SGCZ: variants seen among roughly 807,000 people sequenced by gnomAD.
SGCZ encodes the protein zeta-sarcoglycan.
In SGCZ, 40 loss-of-function variants were observed where a neutral mutation model predicts 41.3. The observed-to-expected ratio is 0.97, with a 90% CI of 0.75 to 1.26. The LOEUF (loss-of-function observed/expected upper bound fraction) is 1.26. Ranked by LOEUF, SGCZ falls within the 50% of genes most tolerant of loss-of-function variation. The pLI, the probability that SGCZ is intolerant of heterozygous loss-of-function variation, is 0.00. For synonymous variants in SGCZ, 206 were observed against 137.5 expected, an observed-to-expected ratio of 1.50 and a Z score of -3.49; for missense variants, 552 against 369.8, an observed-to-expected ratio of 1.49 and a Z score of -4.04.
intron 1 of SGCZ, among the ~76,000 whole-genome samples, chr8:14,744,182 G>C (rs1263097254): frequency 6.6e-6 from 1 of 152,128 alleles, no homozygotes. Flanking sequence ...AAAGAAAATG[G>C]AAAAGAGCAG....
intron 2 of SGCZ, among the ~76,000 whole-genome samples, chr8:14,392,829 G>GTA (rs10633806): frequency 4.0e-5 from 6 of 151,760 alleles, no homozygotes; most frequent in Non-Finnish European, 8.8e-5. Context: ...CAAATTCTAA[G>GTA]TGAGATTTGC....
intron 2 of SGCZ, among the ~76,000 whole-genome samples, chr8:14,335,373 T>C (rs928629213): frequency 6.6e-6 from 1 of 152,158 alleles, no homozygotes; most frequent in Non-Finnish European, 1.5e-5. Flanking sequence ...TATCTCACCC[T>C]TGAATTCCAA....
rs577950383 is a variant in SGCZ at position 15,188,426 on chromosome 8, T to C, written c.39+49159A>G. On this transcript the variant is annotated intron_variant, in intron 1 of 7. Transcript: ENST00000382080. ...ATTAGCTGAAGATGCAGATATAGAA[T>C]AAGCAGATGCTAGTGTAAGAAATCA... 7.6e-4 allele frequency among the ~76,000 whole-genome samples: 115 copies of C among 152,286 alleles called. 1 individual carries two copies. The Middle Eastern group carries it at 0.027, about 36-fold the overall frequency.
chr8:14,702,964 G>GATAGATAGATAGATAT (rs1554483941), intron 1 of SGCZ, among the ~76,000 whole-genome samples: 50 of 140,996 alleles, frequency 3.5e-4, no homozygotes, highest in Middle Eastern at 3.7e-3. Context: ...TAGATAGATA[G>GATAGATAGATAGATAT]ATAGATAGAC....
chr8:14,805,513 T>A (rs1284219809), intron 1 of SGCZ, among the ~76,000 whole-genome samples: 3 of 136,446 alleles, frequency 2.2e-5, no homozygotes. Flanking sequence ...AGGGATCAAT[T>A]CAACAAGAGG....
intron 1 of SGCZ, among the ~76,000 whole-genome samples, chr8:15,115,597 T>C (rs548112144): frequency 6.6e-6 from 1 of 152,340 alleles, no homozygotes; most frequent in African/African-American, 2.4e-5. Context: ...ATGGGCTGTA[T>C]CATCGGGGTT....
chr8:14,182,799 C>A (rs1401091501), intron 4 of SGCZ, among the ~76,000 whole-genome samples: 2 of 151,936 alleles, frequency 1.3e-5, no homozygotes, highest in Non-Finnish European at 2.9e-5. Context: ...CACCTGAGGT[C>A]AGAAGTTCAA....
At chr8:14,834,466 C>T (rs951913849) in intron 1 of SGCZ, among the ~76,000 whole-genome samples, 2 of 152,268 alleles carry the variant, frequency 1.3e-5, no homozygotes, top group East Asian at 3.9e-4. Context: ...TGAGGTCCCT[C>T]CTTAACATAG....
At chr8:14,138,229 C>G (rs932334418) in intron 5 of SGCZ, among the ~76,000 whole-genome samples, 1 of 152,082 alleles carries the variant, frequency 6.6e-6, no homozygotes, top group African/African-American at 2.4e-5. Flanking sequence ...CAAAAACATG[C>G]CAAATTGTAA....
At chr8:14,132,847 T>C (rs1021608051) in intron 5 of SGCZ, among the ~76,000 whole-genome samples, 2 of 152,172 alleles carry the variant, frequency 1.3e-5, no homozygotes. Flanking sequence ...TTGTTGTTGT[T>C]GACACTTTTT....
chr8:14,590,399 G>C (rs1421815739), intron 1 of SGCZ, among the ~76,000 whole-genome samples: 1 of 151,710 alleles, frequency 6.6e-6, no homozygotes, highest in Non-Finnish European at 1.5e-5. Flanking sequence ...ATTTTAATTG[G>C]TCAAGAAATA....
intron 1 of SGCZ, among the ~76,000 whole-genome samples, chr8:14,877,827 ACT>A (rs1484790204): frequency 6.6e-6 from 1 of 151,822 alleles, no homozygotes; most frequent in African/African-American, 2.4e-5. Context: ...AAAACTGATC[ACT>A]CTGGTTACTT....
At chr8:14,119,434 T>C (rs1279899816) in intron 5 of SGCZ, among the ~76,000 whole-genome samples, 1 of 152,210 alleles carries the variant, frequency 6.6e-6, no homozygotes, top group Non-Finnish European at 1.5e-5. Flanking sequence ...TTTCCTGATT[T>C]TGCTTATGAG....
At position 14,281,099 on chromosome 8, in the gene SGCZ, G is replaced by A. The variant is rs1452475243; in HGVS notation, c.336+43004C>T. Among the ~76,000 whole-genome samples the A allele has an allele frequency of 9.2e-5, 14 of 151,680 alleles. No homozygotes were observed. In the East Asian group the frequency reaches 1.2e-3, roughly 13 times the overall value. ...GCATTACCATAATGGAACAAAAAAT[G>A]TTTCAGTCACATTCTTGAGATTGAT... On this transcript the variant is annotated intron_variant, in intron 3 of 7. Coordinates refer to ENST00000382080, the MANE Select transcript of SGCZ (RefSeq NM_139167.4).
chr8:14,721,417 C>T (rs1039960018), intron 1 of SGCZ, among the ~76,000 whole-genome samples: 3 of 152,140 alleles, frequency 2.0e-5, no homozygotes, highest in Non-Finnish European at 4.4e-5. Context: ...AAAACCTGAT[C>T]CTTCTGTCAT....
At chr8:14,668,760 C>A (rs1197779529) in intron 1 of SGCZ, among the ~76,000 whole-genome samples, 3 of 152,066 alleles carry the variant, frequency 2.0e-5, no homozygotes. Flanking sequence ...CAACATCATG[C>A]AGGATTATTA....
chr8:14,124,718 A>G (rs1219118231), intron 5 of SGCZ, among the ~76,000 whole-genome samples: 1 of 152,186 alleles, frequency 6.6e-6, no homozygotes, highest in East Asian at 1.9e-4. Context: ...TACATATTTA[A>G]TATTCAAATA....
intron 1 of SGCZ, among the ~76,000 whole-genome samples, chr8:14,975,486 C>G (rs1343313729): frequency 6.6e-6 from 1 of 152,110 alleles, no homozygotes; most frequent in Non-Finnish European, 1.5e-5. Flanking sequence ...TGCTATCAAT[C>G]TAGATTTTTC....
chr8:14,608,742 C>T (rs1032367344), intron 1 of SGCZ, among the ~76,000 whole-genome samples: 2 of 152,018 alleles, frequency 1.3e-5, no homozygotes, highest in Non-Finnish European at 2.9e-5. Context: ...CATACACATT[C>T]TACCAGGCCC....
Sources: allele counts gnomAD v4.1 joint callset (sites outside exome capture counted in the v4.1 genomes callset), GRCh38; gene constraint gnomAD v4.1.1; transcripts MANE v1.5; gene names NCBI Gene and HGNC (gene_info 2026-07-23, HGNC 2026-07-21).